Variants in TAMM41 observed in about 807,000 individuals in gnomAD.
TAMM41 encodes TAM41 mitochondrial translocator assembly and maintenance homolog.
Under a neutral mutation model 44.1 loss-of-function variants are expected in TAMM41, and 36 were observed. That is an observed-to-expected ratio of 0.82 (90% CI 0.63 to 1.08). TAMM41 has a LOEUF of 1.08. TAMM41 is among the 50% of genes least tolerant of loss of function. TAMM41 has a pLI of 0.00. For synonymous variants in TAMM41, 164 were observed against 153.1 expected, an observed-to-expected ratio of 1.07 and a Z score of -0.53; for missense variants, 417 against 404.3, an observed-to-expected ratio of 1.03 and a Z score of -0.27.
intron 4 of TAMM41, among the ~76,000 whole-genome samples, chr3:11,820,152 C>G (rs964833647): frequency 3.3e-5 from 5 of 152,168 alleles, no homozygotes; most frequent in African/African-American, 9.7e-5. Flanking sequence ...GCTGAGTTAA[C>G]TTCCAACTGT....
chr3:11,833,719 C>T, intron 3 of TAMM41, among the ~76,000 whole-genome samples: 1 of 152,136 alleles, frequency 6.6e-6, no homozygotes, highest in East Asian at 1.9e-4. Context: ...ACGCTAGCGG[C>T]CCAAACATTT....
intron 4 of TAMM41, among the ~76,000 whole-genome samples, chr3:11,821,034 TTC>T (rs1245953703): frequency 6.6e-6 from 1 of 152,200 alleles, no homozygotes; most frequent in Non-Finnish European, 1.5e-5. Context: ...TACTTAAACC[TTC>T]TGAGTCCTTC....
the TAMM41 span, among the ~76,000 whole-genome samples, chr3:11,763,510 G>A: frequency 6.6e-6 from 1 of 152,210 alleles, no homozygotes; most frequent in Non-Finnish European, 1.5e-5. Context: ...GTCTGAAGGA[G>A]TGATCTGGAA....
intron 6 of TAMM41, chr3:11,808,772 C>T: frequency 3.6e-6 from 1 of 279,440 alleles, no homozygotes; most frequent in Non-Finnish European, 5.4e-6. Context: ...ATCACCAAGC[C>T]TGGAGTGTAG....
the TAMM41 span, among the ~76,000 whole-genome samples, chr3:11,768,600 T>G: frequency 6.6e-6 from 1 of 152,236 alleles, no homozygotes. Flanking sequence ...ACCAGGAAAT[T>G]TAGAGAAGAA....
At chr3:11,781,740 A>AATAAT in the TAMM41 span, among the ~76,000 whole-genome samples, 1 of 81,998 alleles carries the variant, frequency 1.2e-5, no homozygotes, top group Non-Finnish European at 2.2e-5. Context: ...ATCTCAAAAT[A>AATAAT]ATAATAATAA....
intron 3 of TAMM41, among the ~76,000 whole-genome samples, chr3:11,833,778 C>G (rs2079073092): frequency 6.6e-6 from 1 of 152,150 alleles, no homozygotes; most frequent in African/African-American, 2.4e-5. Context: ...TTTCCAACTC[C>G]CAGTTTAGGG....
At chr3:11,725,209 C>T in the TAMM41 span, among the ~76,000 whole-genome samples, 1 of 146,856 alleles carries the variant, frequency 6.8e-6, no homozygotes, top group Non-Finnish European at 1.5e-5. Context: ...CCTTCTCCTC[C>T]TCCTTCTCCT....
At chr3:11,772,619 C>T in the TAMM41 span, among the ~76,000 whole-genome samples, 75 of 152,046 alleles carry the variant, frequency 4.9e-4, 3 homozygotes, top group South Asian at 0.012. Context: ...TATATCTGTG[C>T]GATTGTGAAC....
chr3:11,725,240 T>TCCTCCC, the TAMM41 span, among the ~76,000 whole-genome samples: 1 of 128,498 alleles, frequency 7.8e-6, no homozygotes, highest in Non-Finnish European at 1.7e-5. Flanking sequence ...CTTCTCCTTC[T>TCCTCCC]CCTCCCCCTC....
Position 11,815,373 on chromosome 3 carries a change from T to C in TAMM41, c.708+1819A>G, listed in dbSNP as rs560086621. 1.3e-4 allele frequency among the ~76,000 whole-genome samples: 20 copies of C among 152,260 alleles called. 1 individual carries two copies. The East Asian group carries it at 1.5e-3, about 12-fold the overall frequency. On this transcript the variant is annotated intron_variant, in intron 5 of 7. Transcript: ENST00000455809. ...CAGGGGGCTCCAGGAAAAACATTCCTGTGAGAAACAAGAAACAGAAAATAC... is the reference window on the plus strand; with the variant it reads ...CAGGGGGCTCCAGGAAAAACATTCCCGTGAGAAACAAGAAACAGAAAATAC...
At chr3:11,816,181 T>C (rs908722352) in intron 5 of TAMM41, among the ~76,000 whole-genome samples, 1 of 148,000 alleles carries the variant, frequency 6.8e-6, no homozygotes, top group Non-Finnish European at 1.5e-5. Flanking sequence ...GAGAAGAGCA[T>C]AAATGAAGAA....
At chr3:11,747,324 C>A in the TAMM41 span, among the ~76,000 whole-genome samples, 66,952 of 151,778 alleles carry the variant, frequency 0.44, 15,504 homozygotes, top group African/African-American at 0.57. Context: ...GGCCTCCCAA[C>A]GTGCTGGGAT....
chr3:11,785,301 T>C, the TAMM41 span, among the ~76,000 whole-genome samples: 2 of 152,040 alleles, frequency 1.3e-5, no homozygotes, highest in Non-Finnish European at 2.9e-5. Context: ...TTACTGGTGG[T>C]TGTCAAGTGG....
the TAMM41 span, among the ~76,000 whole-genome samples, chr3:11,760,847 C>A: frequency 3.3e-5 from 5 of 151,906 alleles, no homozygotes; most frequent in Non-Finnish European, 5.9e-5. Context: ...AGGTGTGAAC[C>A]ACCACGCTCG....
the TAMM41 span, among the ~76,000 whole-genome samples, chr3:11,747,877 A>T: frequency 0.014 from 556 of 38,832 alleles, 4 homozygotes; most frequent in South Asian, 0.03. Flanking sequence ...CTATTTATTT[A>T]TTTATTTTTT....
the TAMM41 span, among the ~76,000 whole-genome samples, chr3:11,779,195 C>T: frequency 6.6e-6 from 1 of 152,194 alleles, no homozygotes; most frequent in Non-Finnish European, 1.5e-5. Context: ...TTCCCCCTTC[C>T]CCATCTGCCA....
chr3:11,842,757 G>T (rs918117051), intron 2 of TAMM41, among the ~76,000 whole-genome samples: 1 of 152,090 alleles, frequency 6.6e-6, no homozygotes, highest in Non-Finnish European at 1.5e-5. Flanking sequence ...ACTGAGTCAG[G>T]ATCTGCACTG....
At chr3:11,813,728 C>T (rs1264861643) in intron 5 of TAMM41, among the ~76,000 whole-genome samples, 1 of 151,642 alleles carries the variant, frequency 6.6e-6, no homozygotes, top group Admixed American at 6.6e-5. Context: ...GCAGGAGGAT[C>T]GCTTGAGCCC....
Sources: allele counts gnomAD v4.1 joint callset (sites outside exome capture counted in the v4.1 genomes callset), GRCh38; gene constraint gnomAD v4.1.1; transcripts MANE v1.5; gene names NCBI Gene and HGNC (gene_info 2026-07-23, HGNC 2026-07-21).